RUFY4: variants seen among roughly 807,000 people sequenced by gnomAD.
The protein encoded by RUFY4 is RUN and FYVE domain-containing protein 4.
RUFY4 carries 73 observed loss-of-function variants against 69.0 expected under a neutral mutation model. The ratio of observed to expected loss-of-function variants is 1.06; its 90% CI spans 0.88 to 1.29. The LOEUF (loss-of-function observed/expected upper bound fraction) is 1.29. RUFY4 is among the 50% of genes most tolerant of loss of function. The probability of loss-of-function intolerance (pLI) is 0.00; values close to 1 mark genes in which losing one functional copy is unlikely to be tolerated. For synonymous variants in RUFY4, 287 were observed against 271.8 expected, an observed-to-expected ratio of 1.06 and a Z score of -0.55; for missense variants, 770 against 705.6, an observed-to-expected ratio of 1.09 and a Z score of -1.03.
intron 2 of RUFY4, among the ~76,000 whole-genome samples, chr2:218,045,179 T>C (rs1205633344): frequency 6.6e-6 from 1 of 152,206 alleles, no homozygotes; most frequent in Admixed American, 6.5e-5. Flanking sequence ...GTGGTTTTGG[T>C]TTGCATTTCT....
intron 3 of RUFY4, among the ~76,000 whole-genome samples, chr2:218,062,405 C>CAAA (rs58667428): frequency 0.075 from 7,626 of 101,250 alleles, 686 homozygotes; most frequent in African/African-American, 0.24. Flanking sequence ...GACTCCGTCT[C>CAAA]AAAAAAAAAA....
upstream of RUFY4, chr2:218,069,112 C>T (rs1380878243): frequency 4.6e-5 from 7 of 152,372 alleles, no homozygotes; most frequent in South Asian, 4.1e-4. Flanking sequence ...GGACCCATCC[C>T]CCATCTCACC....
exon 5 of RUFY4, chr2:218,073,379 T>C: frequency 1.3e-6 from 2 of 1,592,778 alleles, no homozygotes; most frequent in Non-Finnish European, 1.7e-6. Flanking sequence ...CTGGCCCATG[T>C]TCTCAGAGTG....
chr2:218,045,717 C>T (rs1384720497), intron 2 of RUFY4, among the ~76,000 whole-genome samples: 1 of 152,120 alleles, frequency 6.6e-6, no homozygotes, highest in Non-Finnish European at 1.5e-5. Context: ...AGTTATCAGA[C>T]ACCTGTACTT....
upstream of RUFY4, among the ~76,000 whole-genome samples, chr2:218,066,175 TTC>T (rs1239131699): frequency 0.064 from 7,792 of 122,672 alleles, 401 homozygotes; most frequent in African/African-American, 0.11. Context: ...ATCTTTTCTT[TTC>T]TTTTTTTTTT....
intron 3 of RUFY4, among the ~76,000 whole-genome samples, chr2:218,063,678 A>G (rs1689252153): frequency 6.6e-6 from 1 of 152,184 alleles, no homozygotes; most frequent in Non-Finnish European, 1.5e-5. Flanking sequence ...AGCAGCTAGG[A>G]GCGAACATGG....
intron 2 of RUFY4, among the ~76,000 whole-genome samples, chr2:218,050,561 G>A (rs2106031100): frequency 6.6e-6 from 1 of 152,304 alleles, no homozygotes; most frequent in South Asian, 2.1e-4. Flanking sequence ...GCCACTGAGT[G>A]CCACTCCCTC....
chr2:218,063,384 G>A (rs184995181), intron 3 of RUFY4, among the ~76,000 whole-genome samples: 2 of 152,338 alleles, frequency 1.3e-5, no homozygotes, highest in Admixed American at 1.3e-4. Flanking sequence ...AACAATGTGG[G>A]TGAGGAAGTG....
intron 8 of RUFY4, 51 bp from the exon 11 acceptor site, chr2:218,083,059 A>T: frequency 6.7e-7 from 1 of 1,495,868 alleles, no homozygotes; most frequent in Non-Finnish European, 8.9e-7. Context: ...TAGCTCAGGC[A>T]CAAAGGCTGA....
intron 2 of RUFY4, among the ~76,000 whole-genome samples, chr2:218,055,100 G>C (rs761553852): frequency 6.6e-6 from 1 of 152,072 alleles, no homozygotes; most frequent in Non-Finnish European, 1.5e-5. Context: ...AAAATAATAA[G>C]AAGAAGATAC....
intron 2 of RUFY4, among the ~76,000 whole-genome samples, chr2:218,037,319 CA>C (rs59819809): frequency 1.6e-4 from 23 of 145,134 alleles, no homozygotes; most frequent in Middle Eastern, 3.6e-3. Flanking sequence ...AACTCAGTCT[CA>C]AAAAAAAAAA....
intron 2 of RUFY4, 39 bp downstream of exon 4, chr2:218,070,898 G>T: frequency 6.9e-7 from 1 of 1,456,582 alleles, no homozygotes; most frequent in South Asian, 1.3e-5. Flanking sequence ...CCTCTCCCCA[G>T]ACCCAGATAA....
intron 2 of RUFY4, among the ~76,000 whole-genome samples, chr2:218,055,717 A>G (rs936353689): frequency 6.6e-6 from 1 of 152,190 alleles, no homozygotes; most frequent in Non-Finnish European, 1.5e-5. Flanking sequence ...CTTAATATAC[A>G]TTTCAAGGAG....
At position 218,062,165 on chromosome 2, in the gene RUFY4, C is replaced by T. The variant is rs191222356; in HGVS notation, c.-1071+3484C>T. On this transcript the variant is annotated intron_variant and NMD_transcript_variant, in intron 3 of 13. Transcript: ENST00000457754. ...CTGTAATCCCAGCACTTCGGGAGGC[C>T]GAGGTGGGCGGATCACAAGGTCAGG... Among the ~76,000 whole-genome samples, 516 of 151,290 alleles carry T rather than the reference C, an allele frequency of 3.4e-3. 5 individuals carry two copies. The highest frequency in any genetic ancestry group is 0.024 in the Middle Eastern group (7 of 292).
intron 8 of RUFY4, among the ~76,000 whole-genome samples, chr2:218,078,398 C>T (rs1470568137): frequency 2.0e-5 from 3 of 152,140 alleles, no homozygotes; most frequent in Non-Finnish European, 4.4e-5. Flanking sequence ...AAAACAAAGG[C>T]CCTGATGGAG....
At chr2:218,072,878 C>A in exon 4 of RUFY4, 1 of 1,530,488 alleles carries the variant, frequency 6.5e-7, no homozygotes, top group Non-Finnish European at 8.7e-7. Flanking sequence ...GAACTCAGAG[C>A]TCACCAGGTG....
intron 8 of RUFY4, among the ~76,000 whole-genome samples, chr2:218,076,805 C>T (rs1484712448): frequency 1.3e-5 from 2 of 152,226 alleles, no homozygotes; most frequent in Non-Finnish European, 2.9e-5. Flanking sequence ...CCCACCCTCA[C>T]CCCTGCCTCC....
upstream of RUFY4, among the ~76,000 whole-genome samples, chr2:218,068,331 T>C (rs955504817): frequency 6.6e-6 from 1 of 151,384 alleles, no homozygotes; most frequent in Non-Finnish European, 1.5e-5. Context: ...CAGACTGAAT[T>C]GGGAGGGCAA....
At chr2:218,083,070 G>T in intron 8 of RUFY4, 40 bp from the exon 11 acceptor site, 1 of 1,570,232 alleles carries the variant, frequency 6.4e-7, no homozygotes, top group Non-Finnish European at 8.6e-7. Context: ...CAAAGGCTGA[G>T]CTTTGCCCCC....
Sources: gnomAD v4.1 joint callset for allele counts (sites outside exome capture counted in the v4.1 genomes callset) on GRCh38, gnomAD v4.1.1 for gene constraint, MANE v1.5 for transcripts, NCBI Gene and HGNC (gene_info 2026-07-23, HGNC 2026-07-21) for gene names.